AOPEP: variants seen among roughly 807,000 people sequenced by gnomAD.
AOPEP encodes aminopeptidase O.
In AOPEP, 77 loss-of-function variants were observed where a neutral mutation model predicts 98.1. The ratio of observed to expected loss-of-function variants is 0.78; its 90% CI spans 0.65 to 0.95. The LOEUF (loss-of-function observed/expected upper bound fraction) is 0.95, where lower values mean the gene tolerates loss of function less well. Ranked by LOEUF, AOPEP falls within the 40% of genes least tolerant of loss-of-function variation. AOPEP has a pLI of 0.00. For missense variants in AOPEP, 1,024 were observed against 1,024.7 expected, an observed-to-expected ratio of 1.00 and a Z score of 0.01; for synonymous variants, 346 against 365.3, an observed-to-expected ratio of 0.95 and a Z score of 0.60.
chr9:94,845,827 T>C (rs898925015), intron 5 of AOPEP, among the ~76,000 whole-genome samples: 2 of 152,192 alleles, frequency 1.3e-5, no homozygotes, highest in East Asian at 3.9e-4. Context: ...GTGCAGTGGC[T>C]CACGCCTGTA....
At chr9:95,069,942 C>T (rs776019220) in intron 14 of AOPEP, among the ~76,000 whole-genome samples, 4 of 152,188 alleles carry the variant, frequency 2.6e-5, no homozygotes, top group Non-Finnish European at 5.9e-5. Context: ...TTTGCGGTAG[C>T]AAATAAAGTA....
intron 7 of AOPEP, among the ~76,000 whole-genome samples, chr9:94,951,355 T>TG (rs200018849): frequency 0.034 from 5,131 of 152,220 alleles, 106 homozygotes; most frequent in Admixed American, 0.064. Flanking sequence ...ACCTGGATCT[T>TG]GGGGGGGCCC....
intron 1 of AOPEP, among the ~76,000 whole-genome samples, chr9:94,728,442 A>G (rs1288711343): frequency 6.6e-6 from 1 of 152,154 alleles, no homozygotes; most frequent in Non-Finnish European, 1.5e-5. Flanking sequence ...TGTACTACAC[A>G]ATTTCTTGCC....
At chr9:94,802,175 G>C (rs1838227500) in intron 5 of AOPEP, among the ~76,000 whole-genome samples, 2 of 152,104 alleles carry the variant, frequency 1.3e-5, no homozygotes, top group South Asian at 2.1e-4. Context: ...TTAATGGAGG[G>C]GGGGGCTTCT....
At chr9:94,804,018 C>T (rs1848723936) in intron 5 of AOPEP, among the ~76,000 whole-genome samples, 1 of 152,182 alleles carries the variant, frequency 6.6e-6, no homozygotes, top group Non-Finnish European at 1.5e-5. Flanking sequence ...GTACACACAG[C>T]TCTCTTCCTG....
At chr9:95,101,462 A>T in the AOPEP span, 1 of 565,520 alleles carries the variant, frequency 1.8e-6, no homozygotes, top group Non-Finnish European at 3.2e-6. Flanking sequence ...CCGGGCGGGC[A>T]CCAGGAGTAC....
At chr9:94,797,237 T>G (rs1011746313) in intron 4 of AOPEP, among the ~76,000 whole-genome samples, 9 of 152,030 alleles carry the variant, frequency 5.9e-5, no homozygotes, top group African/African-American at 1.9e-4. Context: ...ATCGAGACCA[T>G]CCTGACCAAC....
chr9:95,051,089 C>CG (rs769139329), intron 13 of AOPEP, among the ~76,000 whole-genome samples: 7 of 129,944 alleles, frequency 5.4e-5, no homozygotes, highest in African/African-American at 2.0e-4. Context: ...TTGTGGCTTA[C>CG]TTTTTTTTTT....
At chr9:95,014,208 T>C (rs1266726354) in intron 13 of AOPEP, among the ~76,000 whole-genome samples, 1 of 152,188 alleles carries the variant, frequency 6.6e-6, no homozygotes, top group African/African-American at 2.4e-5. Context: ...GGCTCACGCC[T>C]GTAATCCCAG....
intron 1 of AOPEP, among the ~76,000 whole-genome samples, chr9:94,729,153 A>C (rs574549824): frequency 6.6e-6 from 1 of 152,248 alleles, no homozygotes; most frequent in African/African-American, 2.4e-5. Flanking sequence ...GAAGTACAGA[A>C]GGTGGATGAT....
At chr9:94,821,272 C>T (rs1245604837) in intron 5 of AOPEP, among the ~76,000 whole-genome samples, 1 of 152,148 alleles carries the variant, frequency 6.6e-6, no homozygotes, top group East Asian at 1.9e-4. Context: ...AGAGCGTTCA[C>T]CCCACAGTTT....
intron 14 of AOPEP, among the ~76,000 whole-genome samples, chr9:95,069,055 A>G (rs2068212354): frequency 6.6e-6 from 1 of 152,144 alleles, no homozygotes; most frequent in South Asian, 2.1e-4. Flanking sequence ...ACGAGTCTAC[A>G]CTTGCTGGTT....
chr9:94,846,503 TAAAG>T (rs755914219), intron 5 of AOPEP, among the ~76,000 whole-genome samples: 37 of 152,172 alleles, frequency 2.4e-4, no homozygotes, highest in Admixed American at 1.2e-3. Context: ...ACTGTAAAAT[TAAAG>T]AAATAGGGAA....
intron 13 of AOPEP, among the ~76,000 whole-genome samples, chr9:95,015,786 T>G (rs970860727): frequency 3.9e-5 from 6 of 152,224 alleles, no homozygotes; most frequent in African/African-American, 1.4e-4. Context: ...ACTCTTGTTA[T>G]TTTGTATAAT....
chr9:95,098,367 G>A, the AOPEP span, among the ~76,000 whole-genome samples: 1 of 148,516 alleles, frequency 6.7e-6, no homozygotes, highest in Admixed American at 6.8e-5. Flanking sequence ...TTCTGTCCTA[G>A]CACCTTGTCC....
chr9:95,089,014 C>T (rs1167237553), downstream of AOPEP, among the ~76,000 whole-genome samples: 6 of 152,190 alleles, frequency 3.9e-5, no homozygotes, highest in African/African-American at 1.4e-4. Flanking sequence ...GGGAGGAAGC[C>T]GGAGAGCAGC....
In AOPEP at chr9:94,928,521, C is replaced by G. The variant is rs2054747718; in HGVS notation, c.1651C>G (p.Gln551Glu). 1 of 1,550,362 alleles carries G rather than the reference C, an allele frequency of 6.5e-7. No homozygotes were observed. The highest frequency in any genetic ancestry group is 8.7e-7 in the Non-Finnish European group (1 of 1,146,546). ...GATGCAATGCTCCCCCGAGGAGATGCAGGTGTTAAGGTAAAGCTGCATGGT... is the reference window on the plus strand; with the variant it reads ...GATGCAATGCTCCCCCGAGGAGATGGAGGTGTTAAGGTAAAGCTGCATGGT... ...DEMQCSPEEM[Q>E]VLRPSKDKTG... is the part of the protein sequence containing the mutation. The change falls in exon 7 of 17, where the codon CAG (glutamine) becomes GAG (glutamate). Residue 551 changes from glutamine (Q) to glutamate (E), a missense_variant. Transcript: ENST00000375315.
At chr9:94,942,146 ATT>A (rs1052197864) in intron 7 of AOPEP, among the ~76,000 whole-genome samples, 7 of 152,192 alleles carry the variant, frequency 4.6e-5, no homozygotes, top group African/African-American at 1.7e-4. Context: ...GTCCATAATA[ATT>A]CACTCTTATT....
intron 16 of AOPEP, chr9:95,085,337 C>T: frequency 2.1e-6 from 1 of 484,592 alleles, no homozygotes; most frequent in East Asian, 6.2e-5. Context: ...GCGCTCACTG[C>T]AGATTGGAGA....
Sources: allele counts gnomAD v4.1 joint callset (sites outside exome capture counted in the v4.1 genomes callset), GRCh38; gene constraint gnomAD v4.1.1; transcripts MANE v1.5; gene names NCBI Gene and HGNC (gene_info 2026-07-23, HGNC 2026-07-21).